The following CTIF variants were observed in gnomAD, a reference collection of about 807,000 sequenced individuals.
CTIF encodes cap binding complex dependent translation initiation factor.
Under a neutral mutation model 66.0 loss-of-function variants are expected in CTIF, and 21 were observed. The observed-to-expected ratio is 0.32, with a 90% confidence interval of 0.23 to 0.46. The LOEUF (loss-of-function observed/expected upper bound fraction) is 0.46, where lower values mean the gene tolerates loss of function less well. CTIF is among the 20% of genes least tolerant of loss of function. CTIF has a pLI of 1.00. For missense variants in CTIF, 739 were observed against 812.7 expected, an observed-to-expected ratio of 0.91 and a Z score of 1.10; for synonymous variants, 345 against 326.4, an observed-to-expected ratio of 1.06 and a Z score of -0.62.
At chr18:48,800,590 C>T (rs532857454) in intron 9 of CTIF, among the ~76,000 whole-genome samples, 1 of 152,350 alleles carries the variant, frequency 6.6e-6, no homozygotes, top group African/African-American at 2.4e-5. Context: ...TAACACCTGG[C>T]ATGGATAACC....
At chr18:48,690,740 C>CT (rs139225234) in intron 6 of CTIF, among the ~76,000 whole-genome samples, 3,265 of 152,062 alleles carry the variant, frequency 0.021, 60 homozygotes, top group Non-Finnish European at 0.028. Flanking sequence ...GCCTGCCCCG[C>CT]TCCACCTCTT....
At chr18:48,734,298 G>T (rs377607012) in intron 7 of CTIF, among the ~76,000 whole-genome samples, 5 of 152,336 alleles carry the variant, frequency 3.3e-5, no homozygotes, top group African/African-American at 1.2e-4. Context: ...GGGCTCAGTG[G>T]CTCACGCCTG....
intron 9 of CTIF, among the ~76,000 whole-genome samples, chr18:48,794,432 C>T (rs2067864321): frequency 6.6e-6 from 1 of 152,018 alleles, no homozygotes; most frequent in South Asian, 2.1e-4. Context: ...AACTCCCAAA[C>T]AGCAAACCTG....
intron 9 of CTIF, among the ~76,000 whole-genome samples, chr18:48,811,999 G>A (rs749263841): frequency 1.3e-5 from 2 of 152,140 alleles, no homozygotes; most frequent in Non-Finnish European, 2.9e-5. Context: ...GTCTCACTCT[G>A]TCCCCCAGGC....
chr18:48,853,597 C>T (rs1452299281), intron 10 of CTIF, among the ~76,000 whole-genome samples: 1 of 152,214 alleles, frequency 6.6e-6, no homozygotes, highest in African/African-American at 2.4e-5. Context: ...TGTGTATCTG[C>T]TGCAAACCCA....
chr18:48,569,347 A>G (rs1009454481), intron 1 of CTIF, among the ~76,000 whole-genome samples: 1 of 152,132 alleles, frequency 6.6e-6, no homozygotes, highest in Non-Finnish European at 1.5e-5. Flanking sequence ...CATAGACTTG[A>G]TCTGGGGGAG....
At chr18:48,628,636 G>A (rs762986346) in intron 2 of CTIF, among the ~76,000 whole-genome samples, 15 of 152,022 alleles carry the variant, frequency 9.9e-5, no homozygotes, top group Non-Finnish European at 1.6e-4. Flanking sequence ...ATTACAGATG[G>A]GGGAAACTTC....
chr18:48,747,257 A>T (rs1012877401), intron 7 of CTIF, among the ~76,000 whole-genome samples: 2 of 152,260 alleles, frequency 1.3e-5, no homozygotes, highest in African/African-American at 4.8e-5. Flanking sequence ...ATGATGGATG[A>T]GGAAGCCACC....
chr18:48,667,045 G>T (rs1389789748), intron 5 of CTIF, among the ~76,000 whole-genome samples: 1 of 151,382 alleles, frequency 6.6e-6, no homozygotes, highest in Non-Finnish European at 1.5e-5. Context: ...CACTAGACCT[G>T]CTGGGTCCCT....
At chr18:48,683,411 A>AG (rs1238100894) in intron 6 of CTIF, among the ~76,000 whole-genome samples, 1 of 149,650 alleles carries the variant, frequency 6.7e-6, no homozygotes, top group Non-Finnish European at 1.5e-5. Flanking sequence ...CACTTCGAGC[A>AG]GGGGGCACAA....
At chr18:48,781,769 A>T (rs1911252400) in intron 9 of CTIF, among the ~76,000 whole-genome samples, 1 of 152,138 alleles carries the variant, frequency 6.6e-6, no homozygotes, top group Non-Finnish European at 1.5e-5. Context: ...TTAGTGCGGT[A>T]AAAGGCCTGG....
intron 9 of CTIF, among the ~76,000 whole-genome samples, chr18:48,806,908 GC>G (rs1191040113): frequency 6.6e-6 from 1 of 152,150 alleles, no homozygotes; most frequent in Non-Finnish European, 1.5e-5. Flanking sequence ...TTAAATGGTA[GC>G]CTTAAAGTTT....
At chr18:48,686,539 T>C (rs1355485682) in intron 6 of CTIF, among the ~76,000 whole-genome samples, 1 of 152,188 alleles carries the variant, frequency 6.6e-6, no homozygotes, top group Non-Finnish European at 1.5e-5. Context: ...TTCTCACGTT[T>C]TTTTACTCTC....
intron 5 of CTIF, 145 bp downstream of exon 5, chr18:48,664,696 C>T: frequency 1.5e-6 from 1 of 658,458 alleles, no homozygotes; most frequent in Non-Finnish European, 2.6e-6. Context: ...CCCAGAGCTG[C>T]AGGCTCACTG....
In CTIF at chr18:48,558,817, C is replaced by T. The variant is rs988910581; in HGVS notation, c.-29+19505C>T. Among the ~76,000 whole-genome samples the T allele has an allele frequency of 2.6e-5, 4 of 152,280 alleles. No individual in the cohort carries two copies. In the East Asian group the frequency reaches 5.8e-4, roughly 22 times the overall value. ...AATGATCATCTTAGCATCAAACATGCTGCAATAAAAAGTGTTCTCTTTGAC... is the reference window on the plus strand; with the variant it reads ...AATGATCATCTTAGCATCAAACATGTTGCAATAAAAAGTGTTCTCTTTGAC... On this transcript the variant is annotated intron_variant, in intron 1 of 11. Transcript: ENST00000256413.
Position 48,758,130 on chromosome 18 carries a change from G to A in CTIF, c.796G>A (p.Gly266Ser). The part of the protein sequence containing the change: ...KHPPGDKGEA[G>S]AHRNAKETMT... ...CCCACCAGGCGACAAGGGGGAGGCAGGCGCACACCGCAATGCCAAAGAGAC... is the reference window on the plus strand; with the variant it reads ...CCCACCAGGCGACAAGGGGGAGGCAAGCGCACACCGCAATGCCAAAGAGAC... The change falls in exon 8 of 12, where the codon GGC (glycine) becomes AGC (serine). Residue 266 changes from glycine to serine, a missense_variant. Physicochemically the swap from Gly to Ser is moderately conservative, Grantham distance 56. Around this residue, in one of 2 missense-constraint regions of CTIF, gnomAD observed 529 missense variants for 520.3 expected, o/e 1.02. Coordinates refer to ENST00000256413, the MANE Select transcript of CTIF (RefSeq NM_014772.3). The A allele has an allele frequency of 6.2e-7, 1 of 1,614,084 alleles. No homozygotes were observed. The highest frequency in any genetic ancestry group is 8.5e-7 in the Non-Finnish European group (1 of 1,180,020).
chr18:48,643,178 G>A (rs776558221), intron 3 of CTIF, among the ~76,000 whole-genome samples: 33 of 152,192 alleles, frequency 2.2e-4, no homozygotes, highest in Admixed American at 1.8e-3. Context: ...CTAGGGTAAC[G>A]CTTAGCTCTC....
intron 7 of CTIF, among the ~76,000 whole-genome samples, chr18:48,729,119 A>C (rs933632007): frequency 3.9e-5 from 6 of 151,922 alleles, no homozygotes; most frequent in Non-Finnish European, 5.9e-5. Context: ...GCCCCTCTCC[A>C]TGGTGGGGCA....
intron 9 of CTIF, among the ~76,000 whole-genome samples, chr18:48,791,578 T>A (rs1036244196): frequency 6.6e-6 from 1 of 151,906 alleles, no homozygotes; most frequent in Admixed American, 6.5e-5. Context: ...GCTACCAGTT[T>A]GTGGACACAG....
Sources: allele counts gnomAD v4.1 joint callset (sites outside exome capture counted in the v4.1 genomes callset), GRCh38; gene constraint gnomAD v4.1.1; regional missense constraint gnomAD v4.1.1; transcripts MANE v1.5; gene names NCBI Gene and HGNC (gene_info 2026-07-23, HGNC 2026-07-21).